Variants in QSER1 observed in about 807,000 individuals in gnomAD.
QSER1 encodes glutamine and serine rich 1, also known as glutamine and serine-rich protein 1.
Under a neutral mutation model 158.5 loss-of-function variants are expected in QSER1, and 49 were observed. That is an observed-to-expected ratio of 0.31 (90% confidence interval 0.25 to 0.39). QSER1 has a LOEUF of 0.39. QSER1 is among the 10% of genes least tolerant of loss of function. The pLI, the probability that QSER1 is intolerant of heterozygous loss-of-function variation, is 1.00. For synonymous variants in QSER1, 650 were observed against 715.5 expected (o/e 0.91, Z 1.46); for missense variants, 1,754 against 2,010.3 (o/e 0.87, Z 2.44).
At chr11:32,953,767 GTCTT>G in intron 4 of QSER1, 86 bp from the exon 5 acceptor site, 2 of 1,425,630 alleles carry the variant, frequency 1.4e-6, no homozygotes, top group Admixed American at 2.4e-5. Flanking sequence ...AAATAATCAA[GTCTT>G]TCTTTTTAAA....
In QSER1 at chr11:32,893,030, C is replaced by T; in HGVS notation, c.-96C>T. On this transcript the variant is annotated 5_prime_UTR_variant, in exon 1 of 13. Coordinates refer to ENST00000650167, the MANE Select transcript of QSER1 (RefSeq NM_001076786.3). This position sits in a 1 kb window ranked among gnomAD's most constrained non-coding sequence, Gnocchi z 4.7. ...CAGCTCCCTCCACCGCCGCCGCCCC[C>T]TCTTCCTCCCCCGCCCCCTCTCCCT... 1 of 145,918 alleles carries T rather than the reference C, an allele frequency of 6.9e-6. No individual in the cohort carries two copies. 9.0% of individuals were successfully genotyped at this position (145,918 alleles called of 1,614,324 possible). A position where few individuals can be genotyped will look rare whatever the true frequency, so the allele number is the denominator to read the frequency against.
chr11:32,932,349 G>A lies in QSER1; in HGVS notation c.1091G>A (p.Cys364Tyr). Residue 364 changes from cysteine to tyrosine, a missense_variant, in exon 4 of 13, where the codon TGT (cysteine) becomes TAT (tyrosine). Physicochemically the swap from Cys to Tyr is radical, Grantham distance 194 (BLOSUM62 -2). Transcript: ENST00000650167. ...ACAACCAGGCAGTCATCTTTATCCT[G>A]TAGCCCAATTGGAGATTCCACTCAG... ...QETTRQSSLS[C>Y]SPIGDSTQVS... The A allele has an allele frequency of 6.2e-7, 1 of 1,612,392 alleles. No homozygotes were observed. Among genetic ancestry groups the A allele is most frequent in the Non-Finnish European group, 8.5e-7 (1 of 1,180,004 alleles).
chr11:32,937,165 C>G (rs989588107), intron 4 of QSER1, among the ~76,000 whole-genome samples: 2 of 152,154 alleles, frequency 1.3e-5, no homozygotes, highest in East Asian at 1.9e-4. Context: ...AAACCCGATC[C>G]TTACTATTAG....
At chr11:32,973,312 C>G in intron 10 of QSER1, 85 bp from the exon 11 acceptor site, 1 of 1,423,778 alleles carries the variant, frequency 7.0e-7, no homozygotes. Flanking sequence ...TTTGTGTGCA[C>G]ACACACTTCT....
chr11:32,904,770 TGTTGATCA>T (rs1851671039), intron 1 of QSER1, among the ~76,000 whole-genome samples: 1 of 152,188 alleles, frequency 6.6e-6, no homozygotes, highest in Non-Finnish European at 1.5e-5. Flanking sequence ...GACTTCCTCA[TGTTGATCA>T]GTGGCCTCTG....
chr11:32,957,130 T>TTTTC (rs1376688594), intron 7 of QSER1, among the ~76,000 whole-genome samples: 16 of 150,218 alleles, frequency 1.1e-4, no homozygotes, highest in South Asian at 4.2e-4. Flanking sequence ...TTTTCTTTTT[T>TTTTC]TTTCTTTTTT....
chr11:32,929,663 T>C (rs573887056), intron 3 of QSER1, among the ~76,000 whole-genome samples: 1 of 152,292 alleles, frequency 6.6e-6, no homozygotes, highest in East Asian at 1.9e-4. Flanking sequence ...CACCATTAGT[T>C]GGAAGAAGGT....
intron 1 of QSER1, among the ~76,000 whole-genome samples, chr11:32,912,638 G>T (rs1378904781): frequency 6.6e-6 from 1 of 152,164 alleles, no homozygotes; most frequent in African/African-American, 2.4e-5. Flanking sequence ...GCCAGGCAAA[G>T]TGGCTCACGC....
At chr11:32,939,204 G>A (rs1383854481) in intron 4 of QSER1, among the ~76,000 whole-genome samples, 1 of 152,060 alleles carries the variant, frequency 6.6e-6, no homozygotes, top group Admixed American at 6.6e-5. Context: ...CAAAATGAAG[G>A]CCAAACTGAC....
At chr11:32,970,393 T>C (rs1432620134) in intron 10 of QSER1, among the ~76,000 whole-genome samples, 1 of 152,144 alleles carries the variant, frequency 6.6e-6, no homozygotes, top group Non-Finnish European at 1.5e-5. Flanking sequence ...TGACTCCTAG[T>C]CCAGTTTTTG....
chr11:32,948,391 T>G (rs560520770), intron 4 of QSER1, among the ~76,000 whole-genome samples: 1 of 152,342 alleles, frequency 6.6e-6, no homozygotes, highest in African/African-American at 2.4e-5. Flanking sequence ...TAATATAATT[T>G]TACCATCTAT....
intron 1 of QSER1, among the ~76,000 whole-genome samples, chr11:32,914,296 A>G (rs1385012265): frequency 2.6e-5 from 4 of 152,228 alleles, no homozygotes; most frequent in East Asian, 1.9e-4. Context: ...AAAGTCTTGT[A>G]GCATTTATTT....
chr11:32,936,659 A>T (rs1351817240), intron 4 of QSER1, among the ~76,000 whole-genome samples: 1 of 152,216 alleles, frequency 6.6e-6, no homozygotes, highest in African/African-American at 2.4e-5. Flanking sequence ...ATGTGGGCCC[A>T]TACCTCTAGT....
At position 32,974,868 on chromosome 11, in the gene QSER1, G is replaced by A. The variant is rs1193788631; in HGVS notation, c.5359-380G>A. On this transcript the variant is annotated intron_variant, in intron 11 of 12. Coordinates refer to ENST00000650167, the MANE Select transcript of QSER1 (RefSeq NM_001076786.3). Reference sequence around the variant, plus strand: ...ATTCCCTTCTCATTACAAAATTAGTGTTATTAACATACATGTTATACCTGG... The same window carrying A: ...ATTCCCTTCTCATTACAAAATTAGTATTATTAACATACATGTTATACCTGG... 2.6e-5 allele frequency among the ~76,000 whole-genome samples: 4 copies of A among 152,048 alleles called. No homozygotes were observed. The East Asian group carries it at 7.7e-4, about 29-fold the overall frequency.
intron 1 of QSER1, among the ~76,000 whole-genome samples, chr11:32,917,838 A>AC (rs1442480075): frequency 4.6e-5 from 7 of 151,192 alleles, no homozygotes; most frequent in South Asian, 2.1e-4. Context: ...AAAAAAAAAA[A>AC]AAAAAACCAG....
chr11:32,897,174 G>T (rs982959078), intron 1 of QSER1, among the ~76,000 whole-genome samples: 2 of 152,110 alleles, frequency 1.3e-5, no homozygotes, highest in African/African-American at 4.8e-5. Context: ...ATCCTTTGAG[G>T]TAGGCATTCT....
At chr11:32,975,166 C>T (rs1012187755) in intron 11 of QSER1, 82 bp from the exon 12 acceptor site, 3 of 961,806 alleles carry the variant, frequency 3.1e-6, no homozygotes, top group African/African-American at 3.3e-5. Flanking sequence ...GCCATTGAGA[C>T]TTTTGATCTA....
intron 1 of QSER1, among the ~76,000 whole-genome samples, chr11:32,924,951 C>T (rs1851948823): frequency 6.6e-6 from 1 of 152,162 alleles, no homozygotes; most frequent in African/African-American, 2.4e-5. Flanking sequence ...CAATGTTTAG[C>T]TCCCACTTAT....
chr11:32,914,459 A>G (rs1443218844), intron 1 of QSER1, among the ~76,000 whole-genome samples: 1 of 152,198 alleles, frequency 6.6e-6, no homozygotes, highest in East Asian at 1.9e-4. Flanking sequence ...ATTTGTGACC[A>G]AATTATTTAA....
Sources: allele counts gnomAD v4.1 joint callset (sites outside exome capture counted in the v4.1 genomes callset), GRCh38; gene constraint gnomAD v4.1.1; non-coding constraint Gnocchi (gnomAD v3.1); transcripts MANE v1.5; gene names NCBI Gene and HGNC (gene_info 2026-07-23, HGNC 2026-07-21).